NFIA: variants seen among roughly 807,000 people sequenced by gnomAD.
The protein encoded by NFIA is nuclear factor 1 A-type.
In NFIA, 8 loss-of-function variants were observed where a neutral mutation model predicts 62.8. The ratio of observed to expected loss-of-function variants is 0.13; its 90% CI spans 0.07 to 0.23. The LOEUF is 0.23. Among genes scored for constraint, NFIA ranks in the 10% least tolerant of loss-of-function variants. The pLI, the probability that NFIA is intolerant of heterozygous loss-of-function variation, is 1.00. For synonymous variants in NFIA, 235 were observed against 238.1 expected (o/e 0.99, Z 0.12); for missense variants, 410 against 642.1 (o/e 0.64, Z 3.91).
intron 2 of NFIA, among the ~76,000 whole-genome samples, chr1:61,089,857 C>A (rs1026732484): frequency 4.6e-5 from 7 of 151,958 alleles, no homozygotes; most frequent in African/African-American, 1.5e-4. Context: ...AGAAAGAGAA[C>A]TTTTGTTATC....
chr1:61,203,972 G>A (rs944870164), intron 2 of NFIA, among the ~76,000 whole-genome samples: 2 of 152,114 alleles, frequency 1.3e-5, no homozygotes, highest in Non-Finnish European at 2.9e-5. Context: ...GTGTGTGTAT[G>A]AGCTGTAGTT....
In NFIA at chr1:61,434,537, G is replaced by A. The variant is rs533366679; in HGVS notation, c.1512+7981G>A. Among the ~76,000 whole-genome samples the A allele has an allele frequency of 5.9e-5, 9 of 152,218 alleles. No individual in the cohort carries two copies. The South Asian group carries it at 1.2e-3, about 21-fold the overall frequency. On this transcript the variant is annotated intron_variant, in intron 10 of 10. Coordinates refer to ENST00000403491, the MANE Select transcript of NFIA (RefSeq NM_001134673.4). Reference sequence around the variant, plus strand: ...TCAAGTTTTAATTTGGCAGCATGTCGTAGACATCCTTGGCCACAAACTTCA... The same window carrying A: ...TCAAGTTTTAATTTGGCAGCATGTCATAGACATCCTTGGCCACAAACTTCA...
chr1:61,178,780 G>T (rs1650563977), intron 2 of NFIA, among the ~76,000 whole-genome samples: 1 of 152,234 alleles, frequency 6.6e-6, no homozygotes, highest in South Asian at 2.1e-4. Flanking sequence ...TGTGGTTTGG[G>T]TTTCCTCACA....
chr1:61,103,295 A>G (rs1458707622), intron 2 of NFIA, among the ~76,000 whole-genome samples: 1 of 152,090 alleles, frequency 6.6e-6, no homozygotes, highest in Admixed American at 6.5e-5. Context: ...TAGTAGTCCT[A>G]CTTGGGATGT....
chr1:61,449,890 A>C (rs1341981367), intron 10 of NFIA, among the ~76,000 whole-genome samples: 1 of 152,232 alleles, frequency 6.6e-6, no homozygotes, highest in Non-Finnish European at 1.5e-5. Context: ...AAACCAGTGT[A>C]AATCACTGCT....
chr1:61,369,823 AT>A (rs1298626003), intron 6 of NFIA, among the ~76,000 whole-genome samples: 2 of 152,138 alleles, frequency 1.3e-5, no homozygotes, highest in African/African-American at 2.4e-5. Flanking sequence ...CATTCATTTA[AT>A]TTGTAAAAAA....
In NFIA at chr1:61,358,379, C is replaced by CTTTCTTTTTT. The variant is rs71582639; in HGVS notation, c.819-765_819-764insCTTTTTTTTT. 7.7e-3 allele frequency among the ~76,000 whole-genome samples: 406 copies of CTTTCTTTTTT among 52,674 alleles called. 48 individuals are homozygous for CTTTCTTTTTT. Among genetic ancestry groups the CTTTCTTTTTT allele is most frequent in the African/African-American group, 0.025 (298 of 11,860 alleles). The allele number at this position is 52,674 out of a possible 152,430, so 34.6% of individuals were successfully genotyped here. A position where few individuals can be genotyped will look rare whatever the true frequency, so the allele number is the denominator to read the frequency against. On this transcript the variant is annotated intron_variant, in intron 5 of 10. Transcript: ENST00000403491. ...TCATTTTCTTTTCTTTTCTTTCTTT[C>CTTTCTTTTTT]TTTTTTTTTTTTTTTTTTTTTTTTT...
At chr1:61,421,435 A>AG (rs1666616022) in intron 9 of NFIA, among the ~76,000 whole-genome samples, 1 of 152,028 alleles carries the variant, frequency 6.6e-6, no homozygotes, top group South Asian at 2.1e-4. Flanking sequence ...GGGAATGAAG[A>AG]GGGGGTGAAT....
chr1:61,357,186 T>C (rs1662999500), intron 5 of NFIA, among the ~76,000 whole-genome samples: 1 of 152,180 alleles, frequency 6.6e-6, no homozygotes, highest in South Asian at 2.1e-4. Flanking sequence ...TCACTCACAA[T>C]GTGGCTTCTT....
intron 3 of NFIA, among the ~76,000 whole-genome samples, chr1:61,306,058 G>A (rs923239544): frequency 3.4e-4 from 51 of 151,492 alleles, no homozygotes; most frequent in African/African-American, 1.2e-3. Context: ...CACCGTGTTA[G>A]CCAGGATGGT....
intron 2 of NFIA, among the ~76,000 whole-genome samples, chr1:61,130,892 G>C (rs992939987): frequency 6.6e-6 from 1 of 152,126 alleles, no homozygotes; most frequent in Non-Finnish European, 1.5e-5. Context: ...ACCCATTAAA[G>C]TCCTTTACAT....
chr1:61,148,129 C>G (rs1648138828), intron 2 of NFIA, among the ~76,000 whole-genome samples: 1 of 152,108 alleles, frequency 6.6e-6, no homozygotes, highest in Non-Finnish European at 1.5e-5. Flanking sequence ...ACGTTGCTAA[C>G]CCATCTTGGT....
intron 2 of NFIA, among the ~76,000 whole-genome samples, chr1:61,152,669 C>T (rs984312376): frequency 6.6e-6 from 1 of 151,852 alleles, no homozygotes; most frequent in African/African-American, 2.4e-5. Flanking sequence ...GAATGTGTTG[C>T]TTTGAAGATA....
At chr1:61,425,561 A>G (rs971654567) in intron 9 of NFIA, among the ~76,000 whole-genome samples, 4 of 152,240 alleles carry the variant, frequency 2.6e-5, no homozygotes, top group African/African-American at 9.6e-5. Flanking sequence ...ACAGAGGAAG[A>G]ATGTGAACAA....
At chr1:61,347,356 G>A (rs1391844078) in intron 4 of NFIA, among the ~76,000 whole-genome samples, 6 of 151,512 alleles carry the variant, frequency 4.0e-5, no homozygotes, top group African/African-American at 1.5e-4. Context: ...TGTATTTTTA[G>A]CAGAGATGGA....
chr1:61,131,763 T>A (rs1647083812), intron 2 of NFIA, among the ~76,000 whole-genome samples: 1 of 152,228 alleles, frequency 6.6e-6, no homozygotes, highest in Non-Finnish European at 1.5e-5. Flanking sequence ...ATTTTTAAGT[T>A]GATCAGTCAG....
intron 2 of NFIA, among the ~76,000 whole-genome samples, chr1:61,138,311 G>T (rs1321994904): frequency 6.6e-6 from 1 of 152,088 alleles, no homozygotes; most frequent in Admixed American, 6.5e-5. Flanking sequence ...GCCCAGGCTG[G>T]TTGCAAACCA....
intron 2 of NFIA, among the ~76,000 whole-genome samples, chr1:61,111,307 T>C (rs982616554): frequency 2.0e-5 from 3 of 152,172 alleles, no homozygotes; most frequent in Non-Finnish European, 2.9e-5. Context: ...TGTGCGCTTA[T>C]TCTGTACTGA....
intron 2 of NFIA, among the ~76,000 whole-genome samples, chr1:61,175,422 A>G (rs1364411836): frequency 6.6e-6 from 1 of 152,216 alleles, no homozygotes; most frequent in Non-Finnish European, 1.5e-5. Context: ...GATTAGAGTC[A>G]TGAGCCACAG....
Sources: gnomAD v4.1 joint callset for allele counts (sites outside exome capture counted in the v4.1 genomes callset) on GRCh38, gnomAD v4.1.1 for gene constraint, MANE v1.5 for transcripts, NCBI Gene and HGNC (gene_info 2026-07-23, HGNC 2026-07-21) for gene names.